The following CEP350 variants were observed in gnomAD, a reference collection of about 807,000 sequenced individuals.
CEP350 encodes centrosome-associated protein 350.
In CEP350, 126 loss-of-function variants were observed where a neutral mutation model predicts 331.8. The observed-to-expected ratio is 0.38, with a 90% confidence interval of 0.33 to 0.44. The LOEUF (loss-of-function observed/expected upper bound fraction) is 0.44. CEP350 is among the 20% of genes least tolerant of loss of function. The pLI is 1.00. For missense variants in CEP350, 3,406 were observed against 3,634.6 expected (o/e 0.94, Z 1.62); for synonymous variants, 1,200 against 1,259.5 (o/e 0.95, Z 1.00).
rs143132568 is a variant in CEP350 at position 180,094,349 on chromosome 1, G to A, written c.8244G>A (p.Leu2748=). ...LNEEKKSKQQ[L]EKISLLTDSL... is the part of the protein sequence containing the mutation. ...AGGAAAAAAAGTCAAAACAACAACT[G>A]GAAAAAATCAGCTTACTGACAGACA... Residue 2748 remains leucine, a synonymous_variant, in exon 34 of 38, where the codon CTG becomes CTA. Transcript: ENST00000367607. 1.0e-4 allele frequency: 163 copies of A among 1,613,664 alleles called. No individual in the cohort carries two copies. The highest frequency in any genetic ancestry group is 1.3e-4 in the Non-Finnish European group (153 of 1,179,840).
At chr1:179,962,466 G>T (rs182417564) in intron 1 of CEP350, among the ~76,000 whole-genome samples, 1 of 152,272 alleles carries the variant, frequency 6.6e-6, no homozygotes, top group East Asian at 1.9e-4. Context: ...CTGGAGCGCA[G>T]TGACGTGATC....
intron 14 of CEP350, among the ~76,000 whole-genome samples, chr1:180,027,676 C>A (rs1335113582): frequency 1.3e-5 from 2 of 152,190 alleles, no homozygotes; most frequent in African/African-American, 4.8e-5. Context: ...TGAGCCACTG[C>A]ACCTGGCTTG....
chr1:179,994,815 C>A (rs1343284940), intron 5 of CEP350, among the ~76,000 whole-genome samples: 5 of 152,026 alleles, frequency 3.3e-5, no homozygotes, highest in Admixed American at 2.6e-4. Context: ...GGGTTGTGGA[C>A]CCCAGTGAGA....
intron 21 of CEP350, among the ~76,000 whole-genome samples, chr1:180,047,474 A>C (rs1342436695): frequency 6.6e-6 from 1 of 151,988 alleles, no homozygotes; most frequent in Non-Finnish European, 1.5e-5. Context: ...AAAGAGAAAG[A>C]GGGCCAGCAT....
At chr1:180,024,055 A>G (rs889063032) in intron 13 of CEP350, among the ~76,000 whole-genome samples, 1 of 152,044 alleles carries the variant, frequency 6.6e-6, no homozygotes, top group African/African-American at 2.4e-5. Context: ...TTTTATTTCC[A>G]GGTAGAGGTA....
At position 180,014,465 on chromosome 1, in the gene CEP350, T is replaced by G. The variant is rs375413828; in HGVS notation, c.2012T>G (p.Leu671Arg). 3.7e-6 allele frequency: 6 copies of G among 1,609,552 alleles called. No individual in the cohort carries two copies. The highest frequency in any genetic ancestry group is 1.1e-5 in the South Asian group (1 of 89,826). ...YSKLLLEKTL[L>R]EEPSHQHVTQ... ...AAATTGCTACTAGAAAAGACCTTGC[T>G]TGAAGAGCCATCTCATCAACATGTT... Residue 671 changes from leucine (L) to arginine (R), a missense_variant, in exon 10 of 38, where the codon CTT becomes CGT. Leu to Arg is a moderately radical substitution (Grantham distance 102). Coordinates refer to ENST00000367607, the MANE Select transcript of CEP350 (RefSeq NM_014810.5).
intron 1 of CEP350, among the ~76,000 whole-genome samples, chr1:179,958,745 C>T (rs560077751): frequency 6.6e-6 from 1 of 152,054 alleles, no homozygotes; most frequent in Admixed American, 6.5e-5. Context: ...CATTAATAAG[C>T]GCCACATAAG....
chr1:180,090,978 G>C (rs1660160409), intron 33 of CEP350, among the ~76,000 whole-genome samples, 182 bp downstream of exon 33: 1 of 151,656 alleles, frequency 6.6e-6, no homozygotes, highest in Non-Finnish European at 1.5e-5. Context: ...TAAATTATAT[G>C]AATCCTTTTT....
At chr1:180,017,699 A>G (rs1655061501) in intron 11 of CEP350, among the ~76,000 whole-genome samples, 1 of 152,182 alleles carries the variant, frequency 6.6e-6, no homozygotes, top group Non-Finnish European at 1.5e-5. Context: ...TCCCGTTAAT[A>G]GTTTTAGCAT....
At chr1:180,009,545 T>C (rs1654487130) in intron 8 of CEP350, among the ~76,000 whole-genome samples, 1 of 151,782 alleles carries the variant, frequency 6.6e-6, no homozygotes, top group African/African-American at 2.4e-5. Context: ...TGAAATTCCT[T>C]TTTTTTTAAC....
At chr1:179,994,180 G>A (rs2148704182) in intron 5 of CEP350, among the ~76,000 whole-genome samples, 1 of 152,266 alleles carries the variant, frequency 6.6e-6, no homozygotes, top group South Asian at 2.1e-4. Flanking sequence ...TTTAATGAGT[G>A]AGTGAATGAA....
chr1:180,017,993 G>A (rs754413925), intron 11 of CEP350, among the ~76,000 whole-genome samples: 8 of 152,054 alleles, frequency 5.3e-5, no homozygotes, highest in Non-Finnish European at 1.0e-4. Context: ...TAAAGTGTAA[G>A]GATTAAGCCT....
At chr1:180,081,815 G>A (rs1482247478) in intron 30 of CEP350, among the ~76,000 whole-genome samples, 2 of 152,192 alleles carry the variant, frequency 1.3e-5, no homozygotes, top group Admixed American at 6.5e-5. Context: ...TATCATTTAT[G>A]TGTGTGTTTA....
chr1:180,088,553 T>C (rs1259103110), intron 32 of CEP350, among the ~76,000 whole-genome samples: 1 of 152,212 alleles, frequency 6.6e-6, no homozygotes, highest in Non-Finnish European at 1.5e-5. Context: ...GCAGTTTGTG[T>C]TTTACCTTTT....
chr1:179,954,990 C>G lies in CEP350; in HGVS notation c.-166C>G. On this transcript the variant is annotated 5_prime_UTR_variant, in exon 1 of 38. Transcript: ENST00000367607. Reference sequence around the variant, plus strand: ...TCCTTCCCAGCGGACCGGCGGATCCCCGGAGCCGGTGCGAGGAGGGCACCC... The same window carrying G: ...TCCTTCCCAGCGGACCGGCGGATCCGCGGAGCCGGTGCGAGGAGGGCACCC... 1.6e-6 allele frequency: 2 copies of G among 1,258,196 alleles called. No individual in the cohort carries two copies. Among genetic ancestry groups the G allele is most frequent in the Non-Finnish European group, 2.0e-6 (2 of 984,718 alleles). 77.9% of individuals were successfully genotyped at this position (1,258,196 alleles called of 1,614,324 possible). A position where few individuals can be genotyped will look rare whatever the true frequency, so the allele number is the denominator to read the frequency against.
At chr1:180,066,570 A>G (rs1234563203) in intron 27 of CEP350, among the ~76,000 whole-genome samples, 3 of 152,208 alleles carry the variant, frequency 2.0e-5, no homozygotes, top group African/African-American at 7.2e-5. Context: ...ACGGCATTTC[A>G]TAACTTAAAA....
rs929923683 is a variant in CEP350, at chr1:180,021,126, A to T, written c.3235+117A>T. ...TTCGTTGAGTGGATAATGGAGACTTATTACTGTCCGTATTAGTCATCTTCT... is the reference window on the plus strand; with the variant it reads ...TTCGTTGAGTGGATAATGGAGACTTTTTACTGTCCGTATTAGTCATCTTCT... On this transcript the variant is annotated intron_variant, in intron 12 of 37. Transcript: ENST00000367607. The T allele has an allele frequency of 8.6e-6, 7 of 817,850 alleles. No individual in the cohort carries two copies. In the African/African-American group the frequency reaches 1.0e-4, roughly 12 times the overall value. 50.7% of individuals were successfully genotyped at this position (817,850 alleles called of 1,614,324 possible).
rs114203227 is a variant in CEP350, at chr1:180,073,488, C to T, written c.5568-1534C>T. On this transcript the variant is annotated intron_variant, in intron 27 of 37. Transcript: ENST00000367607. Reference sequence around the variant, plus strand: ...AAGCTTAATTGAAAACTAATTTAGTCCCACAATGTACTTCTTATTACTTTA... The same window carrying T: ...AAGCTTAATTGAAAACTAATTTAGTTCCACAATGTACTTCTTATTACTTTA... 4.2e-3 allele frequency among the ~76,000 whole-genome samples: 633 copies of T among 152,210 alleles called. 6 individuals are homozygous for T. Among genetic ancestry groups the T allele is most frequent in the African/African-American group, 0.015 (607 of 41,524 alleles).
At chr1:180,014,647 TATG>T (rs1336837431) in intron 10 of CEP350, 142 bp downstream of exon 10, 3 of 788,212 alleles carry the variant, frequency 3.8e-6, no homozygotes, top group African/African-American at 3.5e-5. Flanking sequence ...ATATATTAAA[TATG>T]AGGAGTAATG....
Sources: allele counts gnomAD v4.1 joint callset (sites outside exome capture counted in the v4.1 genomes callset), GRCh38; gene constraint gnomAD v4.1.1; transcripts MANE v1.5; gene names NCBI Gene and HGNC (gene_info 2026-07-23, HGNC 2026-07-21).